WDR41: variants seen among roughly 807,000 people sequenced by gnomAD.
WDR41 encodes WD repeat-containing protein 41.
A neutral mutation model predicts 69.3 loss-of-function variants in WDR41; 63 were observed. The observed-to-expected ratio is 0.91, with a 90% CI of 0.74 to 1.12. The LOEUF (loss-of-function observed/expected upper bound fraction) is 1.12, where lower values mean the gene tolerates loss of function less well. Among genes scored for constraint, WDR41 ranks in the 50% most tolerant of loss-of-function variants. The pLI is 0.00. For synonymous variants in WDR41, 185 were observed against 192.1 expected (o/e 0.96, Z 0.31); for missense variants, 543 against 534.5 (o/e 1.02, Z -0.16).
At chr5:77,459,673 AACTTTTAC>A (rs1799962274) in intron 4 of WDR41, among the ~76,000 whole-genome samples, 1 of 152,194 alleles carries the variant, frequency 6.6e-6, no homozygotes, top group African/African-American at 2.4e-5. Context: ...GTGATTTTCA[AACTTTTAC>A]ACCATTTCCT....
intron 1 of WDR41, among the ~76,000 whole-genome samples, chr5:77,498,348 T>C (rs995391278): frequency 3.3e-5 from 5 of 152,130 alleles, no homozygotes; most frequent in African/African-American, 1.2e-4. Context: ...TTTACAGAAG[T>C]GTAAAGGCAG....
intron 1 of WDR41, among the ~76,000 whole-genome samples, chr5:77,547,094 G>T (rs1329016992): frequency 6.6e-6 from 1 of 151,934 alleles, no homozygotes; most frequent in Non-Finnish European, 1.5e-5. Context: ...AAAACTCTCA[G>T]CAAAATCAGC....
chr5:77,470,589 C>G (rs759269530), intron 2 of WDR41, among the ~76,000 whole-genome samples: 1 of 151,946 alleles, frequency 6.6e-6, no homozygotes. Flanking sequence ...GGAAGATCTA[C>G]CAAGCAAATG....
chr5:77,477,953 G>A (rs1581748198), intron 2 of WDR41, among the ~76,000 whole-genome samples: 3 of 150,444 alleles, frequency 2.0e-5, no homozygotes, highest in African/African-American at 4.9e-5. Flanking sequence ...AAAAAAGAGA[G>A]AAGAATCAAA....
intron 3 of WDR41, among the ~76,000 whole-genome samples, chr5:77,463,694 G>GA (rs1800168937): frequency 6.6e-6 from 1 of 152,224 alleles, no homozygotes; most frequent in African/African-American, 2.4e-5. Flanking sequence ...TAACCACTTA[G>GA]AAAGTCAGTC....
At chr5:77,533,651 T>C (rs1460127878) in intron 1 of WDR41, among the ~76,000 whole-genome samples, 1 of 152,162 alleles carries the variant, frequency 6.6e-6, no homozygotes, top group Non-Finnish European at 1.5e-5. Context: ...ATGATGATGG[T>C]TGTGTGCTGT....
At chr5:77,602,243 G>A (rs371634531) in intron 1 of WDR41, among the ~76,000 whole-genome samples, 1 of 151,746 alleles carries the variant, frequency 6.6e-6, no homozygotes, top group African/African-American at 2.4e-5. Context: ...GGGTTTAAGC[G>A]ATTCTTCTGC....
intron 1 of WDR41, among the ~76,000 whole-genome samples, chr5:77,538,029 T>C (rs1743021115): frequency 6.7e-6 from 1 of 149,600 alleles, no homozygotes; most frequent in Admixed American, 6.6e-5. Flanking sequence ...TTTTAGGGTA[T>C]CCACCACCCA....
intron 5 of WDR41, among the ~76,000 whole-genome samples, chr5:77,457,594 C>G (rs563593079): frequency 6.6e-6 from 1 of 152,076 alleles, no homozygotes; most frequent in Admixed American, 6.5e-5. Flanking sequence ...ATTCATAATG[C>G]CAAACTACCT....
intron 2 of WDR41, among the ~76,000 whole-genome samples, chr5:77,475,519 C>A (rs903904028): frequency 4.6e-5 from 7 of 152,180 alleles, no homozygotes; most frequent in African/African-American, 1.4e-4. Flanking sequence ...GACCCCTGAC[C>A]CCCGAGCAGC....
intron 2 of WDR41, among the ~76,000 whole-genome samples, chr5:77,478,281 T>C (rs1021327349): frequency 3.9e-5 from 6 of 152,198 alleles, no homozygotes; most frequent in African/African-American, 1.4e-4. Context: ...TCTGAAACTA[T>C]TCCAATCAAT....
At chr5:77,583,124 G>T (rs1396186086) in intron 1 of WDR41, 4 of 1,417,024 alleles carry the variant, frequency 2.8e-6, no homozygotes, top group Non-Finnish European at 3.9e-6. Context: ...ATGAACTAAG[G>T]TGTCTACCAT....
intron 8 of WDR41, among the ~76,000 whole-genome samples, chr5:77,442,894 C>CA (rs60442242): frequency 0.047 from 2,645 of 56,034 alleles, 152 homozygotes; most frequent in Non-Finnish European, 0.063. Flanking sequence ...TCTGTCTCCC[C>CA]AAAAAAAAAA....
intron 3 of WDR41, among the ~76,000 whole-genome samples, chr5:77,463,470 G>A (rs1800158605): frequency 6.6e-6 from 1 of 151,754 alleles, no homozygotes; most frequent in South Asian, 2.1e-4. Context: ...AAAATTTTGA[G>A]TATTTTTTTC....
At chr5:77,437,145 C>T (rs1419198919) in intron 11 of WDR41, among the ~76,000 whole-genome samples, 191 bp downstream of exon 11, 1 of 152,190 alleles carries the variant, frequency 6.6e-6, no homozygotes, top group Non-Finnish European at 1.5e-5. Context: ...AATGAAGTGG[C>T]AGTTCTACAT....
At chr5:77,513,261 G>T (rs778897496) in intron 1 of WDR41, among the ~76,000 whole-genome samples, 2 of 152,020 alleles carry the variant, frequency 1.3e-5, no homozygotes, top group African/African-American at 4.8e-5. Context: ...TCTTATTACT[G>T]CTTGGCACTC....
chr5:77,577,920 A>T (rs1743863144), intron 1 of WDR41, among the ~76,000 whole-genome samples: 1 of 152,218 alleles, frequency 6.6e-6, no homozygotes, highest in Non-Finnish European at 1.5e-5. Context: ...CACTTACCTT[A>T]GCCTATAGCT....
At chr5:77,539,413 T>C (rs1362487043) in intron 1 of WDR41, among the ~76,000 whole-genome samples, 1 of 152,190 alleles carries the variant, frequency 6.6e-6, no homozygotes, top group Non-Finnish European at 1.5e-5. Flanking sequence ...CTGGCAGATC[T>C]TGTTAAAATG....
intron 1 of WDR41, among the ~76,000 whole-genome samples, chr5:77,615,714 G>T (rs1016779352): frequency 7.0e-6 from 1 of 142,066 alleles, no homozygotes; most frequent in African/African-American, 2.6e-5. Flanking sequence ...AAAAGGCCAG[G>T]TGTGATGGCT....
Sources: gnomAD v4.1 joint callset for allele counts (sites outside exome capture counted in the v4.1 genomes callset) on GRCh38, gnomAD v4.1.1 for gene constraint, MANE v1.5 for transcripts, NCBI Gene and HGNC (gene_info 2026-07-23, HGNC 2026-07-21) for gene names.